NXPE2: variants seen among roughly 807,000 people sequenced by gnomAD.
NXPE2 encodes neurexophilin and PC-esterase domain family member 2, also known as NXPE family member 2.
In NXPE2, 34 loss-of-function variants were observed where a neutral mutation model predicts 34.4. That is an observed-to-expected ratio of 0.99 (90% CI 0.75 to 1.31). The LOEUF is 1.31. NXPE2 is among the 40% of genes most tolerant of loss of function. NXPE2 has a pLI of 0.00. For missense variants in NXPE2, 649 were observed against 672.5 expected (o/e 0.97, Z 0.39); for synonymous variants, 235 against 231.3 (o/e 1.02, Z -0.15).
chr11:114,493,616 T>TA, the NXPE2 span, among the ~76,000 whole-genome samples: 1 of 152,302 alleles, frequency 6.6e-6, no homozygotes, highest in African/African-American at 2.4e-5. Flanking sequence ...ATGTGAACAC[T>TA]ACACTTTATC....
chr11:114,757,310 T>A, the NXPE2 span, among the ~76,000 whole-genome samples: 1 of 152,040 alleles, frequency 6.6e-6, no homozygotes, highest in Non-Finnish European at 1.5e-5. Context: ...TTGTCCATCC[T>A]TTCATACTTA....
chr11:114,704,904 C>G (rs1470813279), intron 4 of NXPE2, among the ~76,000 whole-genome samples: 6 of 152,174 alleles, frequency 3.9e-5, no homozygotes, highest in Admixed American at 3.3e-4. Flanking sequence ...TTCCCTCTTG[C>G]CTGGACAGTA....
At chr11:114,649,842 G>A in the NXPE2 span, among the ~76,000 whole-genome samples, 2 of 152,114 alleles carry the variant, frequency 1.3e-5, no homozygotes, top group African/African-American at 4.8e-5. Context: ...ATGTACTTGA[G>A]GGTTCTGACA....
the NXPE2 span, among the ~76,000 whole-genome samples, chr11:114,755,678 A>G: frequency 1.1e-4 from 16 of 150,862 alleles, no homozygotes; most frequent in African/African-American, 3.2e-4. Context: ...TTATCTATCT[A>G]TCTGTCTGTC....
the NXPE2 span, among the ~76,000 whole-genome samples, chr11:114,498,731 A>G: frequency 7.9e-5 from 12 of 152,044 alleles, no homozygotes; most frequent in Admixed American, 7.9e-4. Flanking sequence ...TTATTGAAAT[A>G]ATTATTTTTA....
chr11:114,805,547 C>T, the NXPE2 span, among the ~76,000 whole-genome samples: 6 of 152,246 alleles, frequency 3.9e-5, no homozygotes, highest in Non-Finnish European at 8.8e-5. Flanking sequence ...TTATATCCCA[C>T]ACCTGGCTCA....
At chr11:114,762,259 G>T in the NXPE2 span, among the ~76,000 whole-genome samples, 1 of 152,108 alleles carries the variant, frequency 6.6e-6, no homozygotes, top group East Asian at 1.9e-4. Context: ...TTGTCCCGGG[G>T]CTTGTCAGTG....
At chr11:114,519,227 C>CA in the NXPE2 span, among the ~76,000 whole-genome samples, 36,746 of 152,046 alleles carry the variant, frequency 0.24, 6,578 homozygotes, top group African/African-American at 0.5. Flanking sequence ...GCTTTCCCCC[C>CA]GTTTGGCAAA....
chr11:114,638,559 C>A, the NXPE2 span, among the ~76,000 whole-genome samples: 5 of 151,988 alleles, frequency 3.3e-5, no homozygotes, highest in Admixed American at 6.6e-5. Context: ...TAGAGTTTCC[C>A]GTTTTTCTGC....
At chr11:114,597,658 A>G in the NXPE2 span, among the ~76,000 whole-genome samples, 1 of 151,994 alleles carries the variant, frequency 6.6e-6, no homozygotes, top group African/African-American at 2.4e-5. Flanking sequence ...TTCTTGGAGA[A>G]GTGGCTGGTT....
chr11:114,478,380 G>T, the NXPE2 span, among the ~76,000 whole-genome samples: 1 of 152,122 alleles, frequency 6.6e-6, no homozygotes, highest in Admixed American at 6.6e-5. Context: ...AAGAAGGTTT[G>T]TTTAGCTTTT....
At chr11:114,623,105 G>A in the NXPE2 span, among the ~76,000 whole-genome samples, 65 of 152,186 alleles carry the variant, frequency 4.3e-4, no homozygotes, top group Non-Finnish European at 6.9e-4. Flanking sequence ...GTTGCCTGGC[G>A]GATAAGCACT....
chr11:114,775,796 G>T, the NXPE2 span, among the ~76,000 whole-genome samples: 1 of 151,580 alleles, frequency 6.6e-6, no homozygotes, highest in Non-Finnish European at 1.5e-5. Context: ...TCATAACATG[G>T]CAAAGAAGGT....
chr11:114,757,063 C>T, the NXPE2 span, among the ~76,000 whole-genome samples: 1 of 152,164 alleles, frequency 6.6e-6, no homozygotes, highest in Non-Finnish European at 1.5e-5. Flanking sequence ...GATAAAGTCT[C>T]AGCGTTCTTC....
the NXPE2 span, among the ~76,000 whole-genome samples, chr11:114,752,020 C>CT: frequency 6.6e-6 from 1 of 152,312 alleles, no homozygotes; most frequent in South Asian, 2.1e-4. Flanking sequence ...ACATTTTGAC[C>CT]TCTAGACTTC....
At chr11:114,744,929 TA>T in the NXPE2 span, among the ~76,000 whole-genome samples, 1 of 152,144 alleles carries the variant, frequency 6.6e-6, no homozygotes, top group African/African-American at 2.4e-5. Context: ...ATTAAGAATT[TA>T]AAAATAGTTA....
At chr11:114,688,280 G>GT (rs1470589103) in intron 2 of NXPE2, among the ~76,000 whole-genome samples, 1 of 152,040 alleles carries the variant, frequency 6.6e-6, no homozygotes, top group South Asian at 2.1e-4. Context: ...TTTGTTGAAG[G>GT]TTTTTTATCA....
the NXPE2 span, chr11:114,528,807 C>T: frequency 4.4e-6 from 3 of 678,776 alleles, no homozygotes; most frequent in Non-Finnish European, 8.1e-6. Flanking sequence ...TGATTTCCTG[C>T]TATAGATGTC....
chr11:114,557,388 C>T, the NXPE2 span, among the ~76,000 whole-genome samples: 1 of 151,894 alleles, frequency 6.6e-6, no homozygotes, highest in African/African-American at 2.4e-5. Context: ...CCTTAGAAAA[C>T]TGTACTCCAT....
Sources: gnomAD v4.1 joint callset for allele counts (sites outside exome capture counted in the v4.1 genomes callset) on GRCh38, gnomAD v4.1.1 for gene constraint, MANE v1.5 for transcripts, NCBI Gene and HGNC (gene_info 2026-07-23, HGNC 2026-07-21) for gene names.